The following HEATR5B variants were observed in gnomAD, a reference collection of about 807,000 sequenced individuals.
HEATR5B encodes HEAT repeat containing 5B, also known as HEAT repeat-containing protein 5B.
Under a neutral mutation model 224.1 loss-of-function variants are expected in HEATR5B, and 156 were observed. The ratio of observed to expected loss-of-function variants is 0.70; its 90% CI spans 0.61 to 0.80. The LOEUF (loss-of-function observed/expected upper bound fraction) is 0.80. Among genes scored for constraint, HEATR5B ranks in the 30% least tolerant of loss-of-function variants. The pLI, the probability that HEATR5B is intolerant of heterozygous loss-of-function variation, is 0.00. For synonymous variants in HEATR5B, 1,027 were observed against 893.0 expected (o/e 1.15, Z -2.68); for missense variants, 2,323 against 2,535.5 (o/e 0.92, Z 1.80).
chr2:37,036,063 T>C (rs1669455291), intron 21 of HEATR5B, among the ~76,000 whole-genome samples: 1 of 152,144 alleles, frequency 6.6e-6, no homozygotes, highest in African/African-American at 2.4e-5. Context: ...TTCTCCCCAT[T>C]CTCTTACTAA....
At chr2:37,046,957 G>A (rs944846720) in intron 18 of HEATR5B, among the ~76,000 whole-genome samples, 1 of 146,906 alleles carries the variant, frequency 6.8e-6, no homozygotes, top group African/African-American at 2.6e-5. Context: ...GGCTAAGGAA[G>A]GAGAATCACT....
chr2:37,069,289 G>A (rs1031221509), intron 7 of HEATR5B, among the ~76,000 whole-genome samples: 11 of 152,078 alleles, frequency 7.2e-5, no homozygotes, highest in African/African-American at 2.2e-4. Context: ...AAACCCTTAC[G>A]TACGACTTTT....
Position 36,992,788 on chromosome 2 carries a change from G to A in HEATR5B, c.5546-1989C>T, listed in dbSNP as rs994061231. 1.1e-3 allele frequency among the ~76,000 whole-genome samples: 167 copies of A among 151,488 alleles called. 2 individuals are homozygous for A. The highest frequency in any genetic ancestry group is 3.7e-3 in the African/African-American group (152 of 41,290). On this transcript the variant is annotated intron_variant, in intron 33 of 35. Coordinates refer to ENST00000233099, the MANE Select transcript of HEATR5B (RefSeq NM_019024.3). ...AGGAAGAGCTGGAGTGCAGTGCCAT[G>A]ATCATAACTCACTGCAGCCTTGAAC... is the stretch of plus-strand genomic sequence containing the variant.
At chr2:37,019,973 G>T in intron 25 of HEATR5B, 96 bp from the exon 26 acceptor site, 1 of 792,252 alleles carries the variant, frequency 1.3e-6, no homozygotes. Context: ...GTGCGATCTC[G>T]GCTCATTGCA....
chr2:37,045,315 A>C (rs1172433427), intron 18 of HEATR5B, among the ~76,000 whole-genome samples: 1 of 151,586 alleles, frequency 6.6e-6, no homozygotes, highest in African/African-American at 2.4e-5. Context: ...TATGATGTTG[A>C]GTTGCTCCAT....
chr2:37,081,383 T>C (rs143543626), intron 2 of HEATR5B, among the ~76,000 whole-genome samples: 9 of 152,214 alleles, frequency 5.9e-5, no homozygotes, highest in Admixed American at 3.3e-4. Context: ...ATTAAAACCA[T>C]ACTAAAGGGT....
intron 34 of HEATR5B, among the ~76,000 whole-genome samples, chr2:36,989,767 G>A (rs1257158811): frequency 6.6e-6 from 1 of 152,102 alleles, no homozygotes; most frequent in East Asian, 1.9e-4. Context: ...TCAGTGCTTT[G>A]GTAGAACACA....
At chr2:37,027,883 TAA>T (rs993624194) in intron 24 of HEATR5B, 38 bp downstream of exon 24, 3 of 1,602,316 alleles carry the variant, frequency 1.9e-6, no homozygotes, top group Non-Finnish European at 2.6e-6. Flanking sequence ...TCTCAAGGTG[TAA>T]AAATGCTTTG....
rs946372340 is a variant in HEATR5B, at chr2:36,981,221, A to C, written c.*269T>G. The C allele has an allele frequency of 2.6e-4, 79 of 307,670 alleles. 1 individual carries two copies. The highest frequency in any genetic ancestry group is 2.4e-4 in the Non-Finnish European group (40 of 169,952). The allele number at this position is 307,670 out of a possible 1,614,324, so 19.1% of individuals were successfully genotyped here. ...ATTGTTTTTAGCATTTAAATTTAAG[A>C]CTATGGCTCAGTGTTTGAAAAATAA... On this transcript the variant is annotated 3_prime_UTR_variant, in exon 36 of 36. Coordinates refer to ENST00000233099, the MANE Select transcript of HEATR5B (RefSeq NM_019024.3).
chr2:36,992,800 C>A (rs746675812), intron 33 of HEATR5B, among the ~76,000 whole-genome samples: 1 of 152,028 alleles, frequency 6.6e-6, no homozygotes, highest in Non-Finnish European at 1.5e-5. Flanking sequence ...TCATAACTCA[C>A]TGCAGCCTTG....
chr2:36,993,839 A>T (rs1007223192), intron 33 of HEATR5B, among the ~76,000 whole-genome samples: 1 of 150,750 alleles, frequency 6.6e-6, no homozygotes, highest in African/African-American at 2.4e-5. Flanking sequence ...AAAAAAAAAA[A>T]TTAGACAATT....
chr2:37,048,145 G>C (rs901576888), intron 18 of HEATR5B, among the ~76,000 whole-genome samples: 3 of 150,830 alleles, frequency 2.0e-5, no homozygotes, highest in African/African-American at 7.3e-5. Flanking sequence ...TTTCATCAAA[G>C]TACAAAATAA....
Position 37,000,620 on chromosome 2 carries a change from G to C in HEATR5B, c.5511C>G (p.Ser1837Arg). ...AATATTCCAGGATGCAAGCAAGCGT[G>C]CTACGAATCAGAGCTGTCCACTGTT... ...VQKQWTALIR[S>R]TLACILEYSQ... Residue 1837 changes from serine to arginine, a missense_variant, in exon 33 of 36, where the codon AGC becomes AGG. Coordinates refer to ENST00000233099, the MANE Select transcript of HEATR5B (RefSeq NM_019024.3). 3.7e-6 allele frequency: 6 copies of C among 1,614,180 alleles called. No homozygotes were observed. Among genetic ancestry groups the C allele is most frequent in the Non-Finnish European group, 5.1e-6 (6 of 1,180,024 alleles).
chr2:37,012,892 ATG>A (rs1289684607), intron 27 of HEATR5B, among the ~76,000 whole-genome samples: 1 of 152,228 alleles, frequency 6.6e-6, no homozygotes, highest in Non-Finnish European at 1.5e-5. Flanking sequence ...TGCCTCTGCT[ATG>A]TGTTCCAAAA....
At chr2:37,046,054 T>A (rs1558338725) in intron 18 of HEATR5B, among the ~76,000 whole-genome samples, 1 of 152,222 alleles carries the variant, frequency 6.6e-6, no homozygotes, top group Non-Finnish European at 1.5e-5. Flanking sequence ...CATATTTAAC[T>A]AGTAATGTAG....
Position 37,003,695 on chromosome 2 carries a change from A to C in HEATR5B, c.4906-9T>G. 1 of 1,567,950 alleles carries C rather than the reference A, an allele frequency of 6.4e-7. No homozygotes were observed. The highest frequency in any genetic ancestry group is 8.7e-7 in the Non-Finnish European group (1 of 1,154,108). On this transcript the variant is annotated splice_polypyrimidine_tract_variant and intron_variant, in intron 30 of 35. Transcript: ENST00000233099. ...AACTCAACACCTATCAGCTAATACA[A>C]ATAAATACAAATACAGTTAAGTAAT... is the stretch of plus-strand genomic sequence containing the variant.
chr2:37,032,952 C>T (rs1669229105), intron 21 of HEATR5B, among the ~76,000 whole-genome samples, 179 bp from the exon 22 acceptor site: 1 of 151,512 alleles, frequency 6.6e-6, no homozygotes, highest in Admixed American at 6.6e-5. Flanking sequence ...GTGATCTCAG[C>T]TCACTGCAAC....
intron 10 of HEATR5B, among the ~76,000 whole-genome samples, chr2:37,063,417 T>C (rs1671402341): frequency 6.6e-6 from 1 of 152,214 alleles, no homozygotes; most frequent in South Asian, 2.1e-4. Flanking sequence ...AGTCAAATTA[T>C]AAGATACCAG....
intron 26 of HEATR5B, among the ~76,000 whole-genome samples, chr2:37,018,792 T>G (rs1199541786): frequency 6.6e-6 from 1 of 152,096 alleles, no homozygotes; most frequent in East Asian, 1.9e-4. Context: ...CCTAAAAGAT[T>G]AGAGCTTAAT....
Sources: allele counts gnomAD v4.1 joint callset (sites outside exome capture counted in the v4.1 genomes callset), GRCh38; gene constraint gnomAD v4.1.1; transcripts MANE v1.5; gene names NCBI Gene and HGNC (gene_info 2026-07-23, HGNC 2026-07-21).